The following HSPA4L variants were observed in gnomAD, a reference collection of about 807,000 sequenced individuals.
The protein encoded by HSPA4L is heat shock 70 kDa protein 4L.
HSPA4L carries 48 observed loss-of-function variants against 100.3 expected under a neutral mutation model. That is an observed-to-expected ratio of 0.48 (90% CI 0.38 to 0.61). The LOEUF (loss-of-function observed/expected upper bound fraction) is 0.61. Among genes scored for constraint, HSPA4L ranks in the 20% least tolerant of loss-of-function variants. The pLI, the probability that HSPA4L is intolerant of heterozygous loss-of-function variation, is 0.00. For missense variants in HSPA4L, 886 were observed against 988.6 expected (o/e 0.90, Z 1.39); for synonymous variants, 319 against 328.2 (o/e 0.97, Z 0.30).
rs557637919 is a variant in HSPA4L, at chr4:127,836,768, A to G, written c.*3894A>G. On this transcript the variant is annotated 3_prime_UTR_variant, in exon 19 of 19. Transcript: ENST00000296464. ...CATACAACCATTCCTCCACTTTCAT[A>G]AATTTGACAAATAATAAGCCTCTCC... is the stretch of plus-strand genomic sequence containing the variant. The G allele has an allele frequency of 6.6e-6, 1 of 152,164 alleles. No individual in the cohort carries two copies. Among genetic ancestry groups the G allele is most frequent in the South Asian group, 2.1e-4 (1 of 4,834 alleles). 9.4% of individuals were successfully genotyped at this position (152,164 alleles called of 1,614,324 possible). A position where few individuals can be genotyped will look rare whatever the true frequency, so the allele number is the denominator to read the frequency against.
At chr4:127,787,054 T>G (rs72616951) in intron 1 of HSPA4L, among the ~76,000 whole-genome samples, 12,344 of 152,272 alleles carry the variant, frequency 0.081, 977 homozygotes, top group East Asian at 0.26. Flanking sequence ...TCAAAATTCT[T>G]TATGATTCTT....
intron 1 of HSPA4L, among the ~76,000 whole-genome samples, chr4:127,782,882 T>C (rs78424619): frequency 0.012 from 1,898 of 152,182 alleles, 23 homozygotes; most frequent in South Asian, 0.032. Flanking sequence ...GGGACCGCAC[T>C]AGTTTGCGCA....
intron 12 of HSPA4L, among the ~76,000 whole-genome samples, chr4:127,812,357 C>T (rs575200874): frequency 5.9e-4 from 87 of 148,322 alleles, no homozygotes; most frequent in African/African-American, 2.1e-3. Context: ...TGCAGTGAGC[C>T]GAGATCGCAC....
chr4:127,825,441 A>G (rs975030180), intron 16 of HSPA4L, among the ~76,000 whole-genome samples: 2 of 152,182 alleles, frequency 1.3e-5, no homozygotes, highest in Admixed American at 6.5e-5. Context: ...TGGGACAGGC[A>G]TGAGGTGGGG....
rs777214310 is a variant in HSPA4L at position 127,805,065 on chromosome 4, T to C, written c.986-8T>C. On this transcript the variant is annotated splice_polypyrimidine_tract_variant and splice_region_variant and intron_variant, in intron 8 of 18. Transcript: ENST00000296464. ...CTATCATTTTTCTCAATTAAAAAAA[T>C]TTTCCAGACTTACAACGTGAAGACA... 4 of 1,565,888 alleles carry C rather than the reference T, an allele frequency of 2.6e-6. No homozygotes were observed. The highest frequency in any genetic ancestry group is 3.5e-6 in the Non-Finnish European group (4 of 1,157,038).
rs1230313864 is a variant in HSPA4L at position 127,833,679 on chromosome 4, G to A, written c.*805G>A. On this transcript the variant is annotated 3_prime_UTR_variant, in exon 19 of 19. Coordinates refer to ENST00000296464, the MANE Select transcript of HSPA4L (RefSeq NM_014278.4). ...AAATGCTGTTTATCTACTCAGACAT[G>A]CATCTGTGATGTTCATAGCCTTGTT... The A allele has an allele frequency of 6.6e-6, 1 of 152,162 alleles. No individual in the cohort carries two copies. Among genetic ancestry groups the A allele is most frequent in the Non-Finnish European group, 1.5e-5 (1 of 68,006 alleles). 9.4% of individuals were successfully genotyped at this position (152,162 alleles called of 1,614,324 possible). A position where few individuals can be genotyped will look rare whatever the true frequency, so the allele number is the denominator to read the frequency against.
rs1428943095 is a variant in HSPA4L at position 127,833,880 on chromosome 4, T to C, written c.*1006T>C. 6.6e-6 allele frequency: 1 copy of C among 152,202 alleles called. No homozygotes were observed. Among genetic ancestry groups the C allele is most frequent in the Non-Finnish European group, 1.5e-5 (1 of 68,024 alleles). The allele number at this position is 152,202 out of a possible 1,614,324, so 9.4% of individuals were successfully genotyped here. On this transcript the variant is annotated 3_prime_UTR_variant, in exon 19 of 19. Coordinates refer to ENST00000296464, the MANE Select transcript of HSPA4L (RefSeq NM_014278.4). ...GGTAATACTTGAAAAGGAGCACTTA[T>C]ACCATAAGTCTTAGGAAATAATGTT...
intron 15 of HSPA4L, 119 bp downstream of exon 15, chr4:127,823,013 A>G: frequency 1.1e-6 from 1 of 918,268 alleles, no homozygotes; most frequent in South Asian, 2.2e-5. Flanking sequence ...TCTTGGGCCC[A>G]TATGGGGAAG....
In HSPA4L at chr4:127,832,236, CA is replaced by C. The variant is rs879832842; in HGVS notation, c.2329-438del. ...GAGAGGCTACTCAGCTATTTTCAAACAAAAAAAAATGTCGTTTGTGTATGTA... is the reference window on the plus strand; with the variant it reads ...GAGAGGCTACTCAGCTATTTTCAAACAAAAAAAATGTCGTTTGTGTATGTA... On this transcript the variant is annotated intron_variant, in intron 18 of 18. Coordinates refer to ENST00000296464, the MANE Select transcript of HSPA4L (RefSeq NM_014278.4). Among the ~76,000 whole-genome samples, 474 of 150,026 alleles carry C rather than the reference CA, an allele frequency of 3.2e-3. 6 individuals are homozygous for C. The highest frequency in any genetic ancestry group is 0.01 in the African/African-American group (423 of 40,998).
intron 1 of HSPA4L, among the ~76,000 whole-genome samples, chr4:127,787,869 A>G (rs1167531526): frequency 1.3e-5 from 2 of 152,156 alleles, no homozygotes; most frequent in Admixed American, 6.5e-5. Context: ...GGTTTAATAT[A>G]GCACTGATAG....
At chr4:127,805,630 AACC>A in intron 9 of HSPA4L, 54 bp from the exon 10 acceptor site, 1 of 1,288,230 alleles carries the variant, frequency 7.8e-7, no homozygotes, top group East Asian at 2.3e-5. Context: ...CAATCAGAGT[AACC>A]TAGGGTATGT....
chr4:127,799,636 G>A (rs1010044922), intron 4 of HSPA4L, among the ~76,000 whole-genome samples: 4 of 152,092 alleles, frequency 2.6e-5, no homozygotes, highest in South Asian at 2.1e-4. Flanking sequence ...TTAAAGATTC[G>A]TCTTAAATTC....
chr4:127,840,159 T>G lies in HSPA4L; in HGVS notation c.*7285T>G, dbSNP rs1363254196. On this transcript the variant is annotated 3_prime_UTR_variant, in exon 19 of 19. Coordinates refer to ENST00000296464, the MANE Select transcript of HSPA4L (RefSeq NM_014278.4). ...TAGCTTGAACCTGGGAGGCAGAGGT[T>G]GTGGTGAGCCAAGATCACGCCACTG... The G allele has an allele frequency of 6.6e-6, 1 of 152,030 alleles. No individual in the cohort carries two copies. The highest frequency in any genetic ancestry group is 1.9e-4 in the East Asian group (1 of 5,152). 9.4% of individuals were successfully genotyped at this position (152,030 alleles called of 1,614,324 possible).
In HSPA4L at chr4:127,839,141, C is replaced by T. The variant is rs969032267; in HGVS notation, c.*6267C>T. On this transcript the variant is annotated 3_prime_UTR_variant, in exon 19 of 19. Coordinates refer to ENST00000296464, the MANE Select transcript of HSPA4L (RefSeq NM_014278.4). The stretch of plus-strand genomic sequence containing the variant: ...TCAGAAATTCAAAATAGCTGTTAGA[C>T]ACCTTTGATTCTTTGCTGCTCTCTG... 2.6e-5 allele frequency: 4 copies of T among 152,204 alleles called. No individual in the cohort carries two copies. Among genetic ancestry groups the T allele is most frequent in the Non-Finnish European group, 5.9e-5 (4 of 68,040 alleles). 9.4% of individuals were successfully genotyped at this position (152,204 alleles called of 1,614,324 possible).
chr4:127,792,127 A>C (rs970337838), intron 1 of HSPA4L, among the ~76,000 whole-genome samples: 2 of 152,174 alleles, frequency 1.3e-5, no homozygotes, highest in African/African-American at 4.8e-5. Context: ...TGTATTATGT[A>C]TCAGTATGTA....
intron 10 of HSPA4L, 150 bp downstream of exon 10, chr4:127,805,943 C>A: frequency 2.1e-6 from 1 of 487,050 alleles, no homozygotes; most frequent in South Asian, 4.4e-5. Context: ...TGATATATCA[C>A]CTATAAATCA....
At chr4:127,817,773 G>C (rs1026307741) in intron 12 of HSPA4L, among the ~76,000 whole-genome samples, 1 of 151,962 alleles carries the variant, frequency 6.6e-6, no homozygotes, top group Admixed American at 6.6e-5. Flanking sequence ...GTAATTCATA[G>C]ATTTTGTATC....
At chr4:127,825,028 T>A (rs1733913342) in intron 16 of HSPA4L, among the ~76,000 whole-genome samples, 1 of 151,868 alleles carries the variant, frequency 6.6e-6, no homozygotes, top group African/African-American at 2.4e-5. Flanking sequence ...TAGTCCCAGC[T>A]ACTCTGGAGG....
chr4:127,808,565 G>A (rs1578706222), intron 11 of HSPA4L, among the ~76,000 whole-genome samples: 1 of 151,700 alleles, frequency 6.6e-6, no homozygotes, highest in East Asian at 1.9e-4. Flanking sequence ...TTTTAATAAG[G>A]GACTTGACTA....
Sources: gnomAD v4.1 joint callset for allele counts (sites outside exome capture counted in the v4.1 genomes callset) on GRCh38, gnomAD v4.1.1 for gene constraint, MANE v1.5 for transcripts, NCBI Gene and HGNC (gene_info 2026-07-23, HGNC 2026-07-21) for gene names.